Variants in CFAP61 observed in about 807,000 individuals in gnomAD.
The protein encoded by CFAP61 is cilia and flagella associated protein 61, also known as cilia- and flagella-associated protein 61.
In CFAP61, 107 loss-of-function variants were observed where a neutral mutation model predicts 135.6. The ratio of observed to expected loss-of-function variants is 0.79; its 90% confidence interval spans 0.67 to 0.93. The LOEUF is 0.93. CFAP61 is among the 40% of genes least tolerant of loss of function. The pLI, the probability that CFAP61 is intolerant of heterozygous loss-of-function variation, is 0.00. For synonymous variants in CFAP61, 575 were observed against 578.5 expected (o/e 0.99, Z 0.09); for missense variants, 1,507 against 1,556.2 (o/e 0.97, Z 0.53).
chr20:20,101,128 G>T (rs909726618), intron 8 of CFAP61, among the ~76,000 whole-genome samples: 6 of 152,166 alleles, frequency 3.9e-5, no homozygotes, highest in Non-Finnish European at 8.8e-5. Flanking sequence ...AGCACATTTT[G>T]CTGCCATCTT....
intron 26 of CFAP61, among the ~76,000 whole-genome samples, chr20:20,356,350 C>A (rs139274924): frequency 8.6e-5 from 2 of 23,126 alleles, no homozygotes; most frequent in African/African-American, 1.5e-4. Flanking sequence ...GGTGGTCATA[C>A]TGTGAGGGGA....
chr20:20,314,407 AAATC>A (rs1306414425), intron 25 of CFAP61, among the ~76,000 whole-genome samples: 1 of 146,790 alleles, frequency 6.8e-6, no homozygotes, highest in African/African-American at 2.5e-5. Context: ...AAAAAAAAAA[AAATC>A]AACATGAGTT....
chr20:20,154,252 C>T (rs1181858321), intron 9 of CFAP61, among the ~76,000 whole-genome samples: 1 of 152,004 alleles, frequency 6.6e-6, no homozygotes, highest in Non-Finnish European at 1.5e-5. Flanking sequence ...TAACATTATA[C>T]TGAACAAGGA....
chr20:20,242,952 G>A (rs988124596), intron 18 of CFAP61, among the ~76,000 whole-genome samples: 6 of 152,156 alleles, frequency 3.9e-5, no homozygotes, highest in Admixed American at 2.6e-4. Flanking sequence ...CAGGCATCCT[G>A]GGTTCAAACC....
chr20:20,118,987 A>G (rs1321231257), intron 8 of CFAP61, among the ~76,000 whole-genome samples: 1 of 152,022 alleles, frequency 6.6e-6, no homozygotes. Flanking sequence ...CGACTGGTGA[A>G]TGATATCTTT....
At chr20:20,337,744 C>CA (rs1441782310) in intron 25 of CFAP61, among the ~76,000 whole-genome samples, 1 of 152,052 alleles carries the variant, frequency 6.6e-6, no homozygotes, top group East Asian at 1.9e-4. Context: ...TGGAAGAGGT[C>CA]ATGGAGCACA....
At chr20:20,330,943 C>T (rs2057966385) in intron 25 of CFAP61, among the ~76,000 whole-genome samples, 1 of 152,128 alleles carries the variant, frequency 6.6e-6, no homozygotes, top group Non-Finnish European at 1.5e-5. Flanking sequence ...AGGTTTCTTC[C>T]CCTGGAAAGC....
intron 26 of CFAP61, among the ~76,000 whole-genome samples, chr20:20,343,139 GAGCC>G (rs2058507750): frequency 2.6e-5 from 4 of 152,312 alleles, no homozygotes; most frequent in East Asian, 3.9e-4. Context: ...TTACAGGCGT[GAGCC>G]ATCGCGCCCG....
In CFAP61 at chr20:20,277,389, C is replaced by T. The variant is rs1569231360; in HGVS notation, c.2727C>T (p.Gly909=). 6.2e-7 allele frequency: 1 copy of T among 1,614,178 alleles called. No homozygotes were observed. Residue 909 remains glycine (G), a synonymous_variant, in exon 22 of 27, where the codon GGC becomes GGT. Transcript: ENST00000245957. ...RDAILAQWND[G]LHPDPIYSAS... ...CGATCCTGGCCCAGTGGAATGACGGCCTGCACCCAGACCCCATCTACAGCG... is the reference window on the plus strand; with the variant it reads ...CGATCCTGGCCCAGTGGAATGACGGTCTGCACCCAGACCCCATCTACAGCG...
intron 7 of CFAP61, among the ~76,000 whole-genome samples, chr20:20,097,190 G>C (rs1405411499): frequency 6.6e-6 from 1 of 151,632 alleles, no homozygotes; most frequent in Non-Finnish European, 1.5e-5. Flanking sequence ...CTCTGACTGG[G>C]CATTTATGGA....
chr20:20,102,960 C>T (rs1270990718), intron 8 of CFAP61, among the ~76,000 whole-genome samples: 1 of 152,086 alleles, frequency 6.6e-6, no homozygotes, highest in Non-Finnish European at 1.5e-5. Flanking sequence ...GCTTACTGTC[C>T]TTCATCATCT....
chr20:20,149,552 A>G (rs969946150), intron 9 of CFAP61, among the ~76,000 whole-genome samples: 1 of 152,232 alleles, frequency 6.6e-6, no homozygotes, highest in Non-Finnish European at 1.5e-5. Context: ...GAGGGGGGAA[A>G]CTTGCTTCTG....
intron 26 of CFAP61, among the ~76,000 whole-genome samples, chr20:20,357,999 G>A (rs1381593327): frequency 4.3e-5 from 6 of 140,236 alleles, no homozygotes; most frequent in Admixed American, 4.3e-4. Context: ...TAGTGTGAGG[G>A]GAGGTGGTCA....
At chr20:20,260,551 A>G (rs2052079756) in intron 20 of CFAP61, among the ~76,000 whole-genome samples, 1 of 152,240 alleles carries the variant, frequency 6.6e-6, no homozygotes, top group African/African-American at 2.4e-5. Context: ...TCTTTATAGT[A>G]GAGAAGTATG....
chr20:20,271,898 T>C (rs982608860), intron 21 of CFAP61, among the ~76,000 whole-genome samples: 1 of 152,208 alleles, frequency 6.6e-6, no homozygotes, highest in African/African-American at 2.4e-5. Flanking sequence ...TCTTTTAGCA[T>C]AAAACTGATA....
chr20:20,222,091 A>G (rs1163119112), intron 17 of CFAP61: 1 of 152,146 alleles, frequency 6.6e-6, no homozygotes, highest in East Asian at 1.9e-4. Flanking sequence ...TTTCAGGAAT[A>G]CCAGCTTAAA....
chr20:20,250,088 T>C (rs141246170), intron 19 of CFAP61, among the ~76,000 whole-genome samples: 13 of 152,344 alleles, frequency 8.5e-5, no homozygotes, highest in African/African-American at 2.9e-4. Flanking sequence ...TCACAGGTCC[T>C]GTAACAAGGT....
Position 20,056,717 on chromosome 20 carries a change from C to T in CFAP61, c.64C>T (p.Gln22Ter). The T allele has an allele frequency of 5.0e-6, 8 of 1,614,028 alleles. No homozygotes were observed. The highest frequency in any genetic ancestry group is 6.8e-6 in the Non-Finnish European group (8 of 1,179,872). Reference protein sequence around the residue: ...EVVHCRRTESQDVYCIKSLIR... With the variant: ...EVVHCRRTES ...TGTTCATTGCCGAAGAACAGAATCA[C>T]AGGATGTTTATTGTATCAAAAGCCT... Residue 22 changes from glutamine to a stop codon, truncating the protein, a stop_gained, in exon 2 of 27, where the codon CAG (glutamine) becomes TAG (stop). Coordinates refer to ENST00000245957, the MANE Select transcript of CFAP61 (RefSeq NM_015585.4). LOFTEE classifies it high-confidence loss of function.
chr20:20,112,661 G>A lies in CFAP61; in HGVS notation c.859+13847G>A, dbSNP rs889301611. 3.3e-5 allele frequency among the ~76,000 whole-genome samples: 5 copies of A among 152,094 alleles called. No individual in the cohort carries two copies. The East Asian group carries it at 5.8e-4, about 18-fold the overall frequency. On this transcript the variant is annotated intron_variant, in intron 8 of 26. Transcript: ENST00000245957. ...GGGGGTGAGGGAGTCAATGGAAGCCGTATTTTCAGGAGGCTCTGCTTAAGT... is the reference window on the plus strand; with the variant it reads ...GGGGGTGAGGGAGTCAATGGAAGCCATATTTTCAGGAGGCTCTGCTTAAGT...
Sources: gnomAD v4.1 joint callset for allele counts (sites outside exome capture counted in the v4.1 genomes callset) on GRCh38, gnomAD v4.1.1 for gene constraint, MANE v1.5 for transcripts, NCBI Gene and HGNC (gene_info 2026-07-23, HGNC 2026-07-21) for gene names.